MDGA1: variants seen among roughly 807,000 people sequenced by gnomAD.
MDGA1 encodes MAM domain-containing glycosylphosphatidylinositol anchor protein 1.
MDGA1 carries 54 observed loss-of-function variants against 101.5 expected under a neutral mutation model. The observed-to-expected ratio is 0.53, with a 90% CI of 0.43 to 0.67. The LOEUF is 0.67. Among genes scored for constraint, MDGA1 ranks in the 30% least tolerant of loss-of-function variants. The pLI is 0.00. For missense variants in MDGA1, 1,083 were observed against 1,323.8 expected (o/e 0.82, Z 2.82); for synonymous variants, 533 against 558.3 (o/e 0.95, Z 0.64).
In MDGA1 at chr6:37,696,703, G is replaced by A. The variant is rs749415469; in HGVS notation, c.67+42C>T. ...ACTTTGCGCCTCTTGCAAAGTTTCCGCGCGAGGTTAAGCCAAGGTGGAGCG... is the reference window on the plus strand; with the variant it reads ...ACTTTGCGCCTCTTGCAAAGTTTCCACGCGAGGTTAAGCCAAGGTGGAGCG... On this transcript the variant is annotated intron_variant, in intron 1 of 16. Transcript: ENST00000434837. This position sits in a 1 kb window ranked among gnomAD's most constrained non-coding sequence, Gnocchi z 5.6. The A allele has an allele frequency of 5.2e-6, 8 of 1,546,252 alleles. No homozygotes were observed. In the Admixed American group the frequency reaches 5.8e-5, roughly 11 times the overall value.
chr6:37,635,886 C>T lies in MDGA1; in HGVS notation c.*1482G>A, dbSNP rs1215699674. On this transcript the variant is annotated 3_prime_UTR_variant, in exon 17 of 17. Coordinates refer to ENST00000434837, the MANE Select transcript of MDGA1 (RefSeq NM_153487.4). ...CGAACACATCACTCAGGAAGGTGGACACACACGCTGACGTACACGGACATT... is the reference window on the plus strand; with the variant it reads ...CGAACACATCACTCAGGAAGGTGGATACACACGCTGACGTACACGGACATT... 4 of 397,824 alleles carry T rather than the reference C, an allele frequency of 1.0e-5. No individual in the cohort carries two copies. The East Asian group carries it at 1.1e-4, about 11-fold the overall frequency. 24.6% of individuals were successfully genotyped at this position (397,824 alleles called of 1,614,324 possible).
chr6:37,666,962 G>A (rs528961236), intron 1 of MDGA1, among the ~76,000 whole-genome samples: 34 of 152,302 alleles, frequency 2.2e-4, no homozygotes, highest in Non-Finnish European at 4.7e-4. Flanking sequence ...CTAAAATGAA[G>A]AGAACACTAC....
Position 37,650,376 on chromosome 6 carries a change from T to C in MDGA1, c.1342A>G (p.Arg448Gly), listed in dbSNP as rs1761332466. 1.9e-6 allele frequency: 3 copies of C among 1,566,578 alleles called. No individual in the cohort carries two copies. In the South Asian group the frequency reaches 3.5e-5, roughly 18 times the overall value. Residue 448 changes from arginine (R) to glycine (G), a missense_variant, in exon 8 of 17, where the codon AGG (arginine) becomes GGG (glycine). This residue lies in a region of MDGA1 where 657 missense variants were observed against 771.4 expected (regional missense o/e 0.85). Coordinates refer to ENST00000434837, the MANE Select transcript of MDGA1 (RefSeq NM_153487.4). ...VPPTISVPKG[R>G]AVVTVREGSP... is the part of the protein sequence containing the mutation. ...CCCTCGCGCACGGTCACCACGGCCC[T>C]ACCCTTGGGCACACTGATGGTGGGC...
At chr6:37,692,260 C>T (rs1762324578) in intron 1 of MDGA1, among the ~76,000 whole-genome samples, 1 of 152,022 alleles carries the variant, frequency 6.6e-6, no homozygotes, top group South Asian at 2.1e-4. Flanking sequence ...ACACACACAC[C>T]CGATACCTGG....
chr6:37,684,570 T>C (rs1239263617), intron 1 of MDGA1, among the ~76,000 whole-genome samples: 1 of 152,228 alleles, frequency 6.6e-6, no homozygotes, highest in Non-Finnish European at 1.5e-5. Flanking sequence ...GACATGGCTT[T>C]TAACTTCAGC....
intron 1 of MDGA1, among the ~76,000 whole-genome samples, chr6:37,682,201 T>C (rs532039612): frequency 1.3e-5 from 2 of 152,294 alleles, no homozygotes; most frequent in Admixed American, 1.3e-4. Flanking sequence ...ACTGAGCAGG[T>C]AGGCTGGGCG....
intron 6 of MDGA1, among the ~76,000 whole-genome samples, 194 bp downstream of exon 6, chr6:37,654,080 A>G (rs1174331357): frequency 6.6e-6 from 1 of 152,222 alleles, no homozygotes; most frequent in Non-Finnish European, 1.5e-5. Context: ...GCTTTATACA[A>G]ATTTTATTCC....
chr6:37,658,319 C>A lies in MDGA1; in HGVS notation c.308G>T (p.Gly103Val). The part of the protein sequence containing the change: ...LRIERIARTQ[G>V]GRYYCKAENG... ...CTCAGCCTTGCAGTAGTAGCGGCCG[C>A]CCTGCGTGCGTGCAATACGCTCGAT... The change falls in exon 3 of 17, where the codon GGC becomes GTC. Residue 103 changes from glycine to valine, a missense_variant. Coordinates refer to ENST00000434837, the MANE Select transcript of MDGA1 (RefSeq NM_153487.4). The A allele has an allele frequency of 1.2e-6, 2 of 1,612,832 alleles. No individual in the cohort carries two copies. The highest frequency in any genetic ancestry group is 2.2e-5 in the South Asian group (2 of 90,932).
In MDGA1 at chr6:37,646,237, C is replaced by T. The variant is rs1561842100; in HGVS notation, c.2185G>A (p.Ala729Thr). 2 of 1,595,606 alleles carry T rather than the reference C, an allele frequency of 1.3e-6. No homozygotes were observed. Among genetic ancestry groups the T allele is most frequent in the East Asian group, 4.5e-5 (2 of 44,476 alleles). The change falls in exon 11 of 17, where the codon GCT becomes ACT. Residue 729 changes from alanine to threonine, a missense_variant. Around this residue, in one of 3 missense-constraint regions of MDGA1, gnomAD observed 657 missense variants for 771.4 expected, o/e 0.85. Coordinates refer to ENST00000434837, the MANE Select transcript of MDGA1 (RefSeq NM_153487.4). ...ATGATGCGGGAGGCCATGTCACCAG[C>T]CCCGAAGGTGGTATAGGGTGTGAGG... Reference protein sequence around the residue: ...VRLTPYTTFGAGDMASRIIHY... With the variant: ...VRLTPYTTFGTGDMASRIIHY...
At chr6:37,691,068 T>C (rs542208197) in intron 1 of MDGA1, among the ~76,000 whole-genome samples, 2 of 152,220 alleles carry the variant, frequency 1.3e-5, no homozygotes, top group East Asian at 3.9e-4. Flanking sequence ...TATCAAAATC[T>C]CCCCCTACCT....
rs373908949 is a variant in MDGA1 at position 37,668,432 on chromosome 6, T to TGGCAACCAAACAATA, written c.68-4341_68-4327dup. ...TGTACCCAGTAGAAATGAGTACTTA[T>TGGCAACCAAACAATA]GGCAACCAAACAATAAGTACAAAGA... On this transcript the variant is annotated intron_variant, in intron 1 of 16. Transcript: ENST00000434837. Among the ~76,000 whole-genome samples the TGGCAACCAAACAATA allele has an allele frequency of 1.7e-3, 266 of 152,342 alleles. 1 individual carries two copies. The highest frequency in any genetic ancestry group is 5.7e-3 in the African/African-American group (237 of 41,578).
intron 1 of MDGA1, among the ~76,000 whole-genome samples, chr6:37,692,326 A>T (rs1370870341): frequency 6.6e-6 from 1 of 152,024 alleles, no homozygotes; most frequent in Non-Finnish European, 1.5e-5. Flanking sequence ...CTCTTCCAGG[A>T]CTGAGAGGCC....
intron 2 of MDGA1, 102 bp downstream of exon 2, chr6:37,663,865 G>T: frequency 2.3e-6 from 3 of 1,295,116 alleles, no homozygotes; most frequent in South Asian, 1.4e-5. Flanking sequence ...TCCATGCTGC[G>T]GTGCATCGTG....
At position 37,649,194 on chromosome 6, in the gene MDGA1, G is replaced by C. The variant is rs1306397711; in HGVS notation, c.1682C>G (p.Ser561Trp). 2.0e-6 allele frequency: 3 copies of C among 1,504,028 alleles called. No homozygotes were observed. Among genetic ancestry groups the C allele is most frequent in the Non-Finnish European group, 2.6e-6 (3 of 1,134,918 alleles). The allele number at this position is 1,504,028 out of a possible 1,614,324, so 93.2% of individuals were successfully genotyped here. ...ALGRPVLLRC[S>W]LLRGSPQRIA... ...GCGCTGGGGGCTGCCTCGCAGCAGC[G>C]AGCAGCGCAGGAGCACGGGCCGGCC... Residue 561 changes from serine (S) to tryptophan (W), a missense_variant, in exon 9 of 17, where the codon TCG (serine) becomes TGG (tryptophan). Ser to Trp is a radical substitution (Grantham distance 177). This residue lies in a region of MDGA1 where 657 missense variants were observed against 771.4 expected (regional missense o/e 0.85). Transcript: ENST00000434837.
chr6:37,679,402 G>C (rs997263497), intron 1 of MDGA1, among the ~76,000 whole-genome samples: 9 of 152,180 alleles, frequency 5.9e-5, no homozygotes, highest in African/African-American at 2.2e-4. Context: ...CAGTGGGTGG[G>C]TGGCAGTAAA....
chr6:37,650,555 G>T, intron 7 of MDGA1, 150 bp from the exon 8 acceptor site: 1 of 893,494 alleles, frequency 1.1e-6, no homozygotes, highest in Non-Finnish European at 1.6e-6. Context: ...TATTTCCAAA[G>T]CAGAACTCAC....
In MDGA1 at chr6:37,652,010, C is replaced by T. The variant is rs202070332; in HGVS notation, c.1312+1G>A. ...TCCGCAGTGCCCCTCCAGCTGCCCACCTGTCTCAGAGGAGATGTTGACCTC... is the reference window on the plus strand; with the variant it reads ...TCCGCAGTGCCCCTCCAGCTGCCCATCTGTCTCAGAGGAGATGTTGACCTC... On this transcript the variant is annotated splice_donor_variant, in intron 7 of 16. Transcript: ENST00000434837. LOFTEE classifies it high-confidence loss of function. This position sits in a 1 kb window ranked among gnomAD's most constrained non-coding sequence, Gnocchi z 4.3. 7 of 1,578,294 alleles carry T rather than the reference C, an allele frequency of 4.4e-6. No homozygotes were observed. Among genetic ancestry groups the T allele is most frequent in the Non-Finnish European group, 8.6e-7 (1 of 1,163,090 alleles).
At chr6:37,692,770 A>G (rs1762340711) in intron 1 of MDGA1, among the ~76,000 whole-genome samples, 1 of 151,184 alleles carries the variant, frequency 6.6e-6, no homozygotes, top group Non-Finnish European at 1.5e-5. Context: ...TGGTCCCAGC[A>G]GCTCACAGCC....
chr6:37,656,374 A>AGT (rs1370434469), intron 3 of MDGA1, among the ~76,000 whole-genome samples: 1 of 122,460 alleles, frequency 8.2e-6, no homozygotes, highest in East Asian at 2.6e-4. Context: ...CTGCGCCCGG[A>AGT]CTCTTTTTTT....
Sources: allele counts gnomAD v4.1 joint callset (sites outside exome capture counted in the v4.1 genomes callset), GRCh38; gene constraint gnomAD v4.1.1; regional missense constraint gnomAD v4.1.1; non-coding constraint Gnocchi (gnomAD v3.1); transcripts MANE v1.5; gene names NCBI Gene and HGNC (gene_info 2026-07-23, HGNC 2026-07-21).